Variants in PANX1 observed in about 807,000 individuals in gnomAD.
The protein encoded by PANX1 is pannexin 1, also known as pannexin-1.
In PANX1, 30 loss-of-function variants were observed where a neutral mutation model predicts 38.7. That is an observed-to-expected ratio of 0.78 (90% CI 0.58 to 1.05). PANX1 has a LOEUF of 1.05. Ranked by LOEUF, PANX1 falls within the 50% of genes least tolerant of loss-of-function variation. PANX1 has a pLI of 0.00. For synonymous variants in PANX1, 230 were observed against 212.2 expected (o/e 1.08, Z -0.73); for missense variants, 551 against 517.2 (o/e 1.07, Z -0.63).
intron 1 of PANX1, among the ~76,000 whole-genome samples, chr11:94,136,986 GGCAGGA>G (rs369778192): frequency 1.1e-3 from 173 of 152,056 alleles, no homozygotes; most frequent in African/African-American, 3.3e-3. Flanking sequence ...CGTCTTATAT[GGCAGGA>G]GCAGGAGCAA....
At chr11:94,146,904 T>C (rs978634095) in intron 1 of PANX1, among the ~76,000 whole-genome samples, 3 of 152,200 alleles carry the variant, frequency 2.0e-5, no homozygotes, top group African/African-American at 7.2e-5. Context: ...TTAAGAACTT[T>C]AGTAATTGCA....
intron 1 of PANX1, among the ~76,000 whole-genome samples, chr11:94,146,662 A>G (rs1469066003): frequency 6.6e-6 from 1 of 152,236 alleles, no homozygotes; most frequent in African/African-American, 2.4e-5. Context: ...TGGAGAAACA[A>G]TCAGACAGAC....
chr11:94,154,088 AC>A (rs1461176213), intron 2 of PANX1, among the ~76,000 whole-genome samples: 1 of 152,204 alleles, frequency 6.6e-6, no homozygotes, highest in Non-Finnish European at 1.5e-5. Flanking sequence ...TCTAGCTGAT[AC>A]GTTACTGGAA....
intron 1 of PANX1, among the ~76,000 whole-genome samples, chr11:94,137,014 G>C (rs1008361476): frequency 6.6e-6 from 1 of 151,882 alleles, no homozygotes; most frequent in Non-Finnish European, 1.5e-5. Flanking sequence ...AGAGAATGGG[G>C]GGAGGTGCTA....
intron 1 of PANX1, among the ~76,000 whole-genome samples, chr11:94,130,793 GT>G (rs984552557): frequency 3.3e-5 from 5 of 152,210 alleles, no homozygotes; most frequent in Admixed American, 6.5e-5. Context: ...GTCTGGGTGA[GT>G]GGAGTGTGGT....
At chr11:94,167,282 A>C (rs567483710) in intron 2 of PANX1, among the ~76,000 whole-genome samples, 2 of 152,102 alleles carry the variant, frequency 1.3e-5, no homozygotes, top group African/African-American at 4.8e-5. Flanking sequence ...ACTCTCTTCA[A>C]TGCCACTTTC....
chr11:94,153,441 A>G (rs1244237319), intron 1 of PANX1, 50 bp from the exon 2 acceptor site: 2 of 1,596,028 alleles, frequency 1.3e-6, no homozygotes, highest in South Asian at 1.1e-5. Flanking sequence ...TGGGGACAAG[A>G]GTCCAGGTAA....
intron 2 of PANX1, among the ~76,000 whole-genome samples, chr11:94,164,130 T>C (rs914283314): frequency 1.3e-5 from 2 of 151,986 alleles, no homozygotes; most frequent in African/African-American, 4.8e-5. Context: ...TTTTTTAGTC[T>C]GGCTAAAGGT....
rs1468672551 is a variant in PANX1, at chr11:94,180,161, A to G, written c.1105A>G (p.Asn369Asp). 1.2e-6 allele frequency: 2 copies of G among 1,614,026 alleles called. No homozygotes were observed. The highest frequency in any genetic ancestry group is 1.7e-6 in the Non-Finnish European group (2 of 1,179,954). Residue 369 changes from asparagine to aspartate, a missense_variant, in exon 4 of 5, where the codon AAC (asparagine) becomes GAC (aspartate). Coordinates refer to ENST00000227638, the MANE Select transcript of PANX1 (RefSeq NM_015368.4). ...GATCGACCCAATGCTACTCCTGACA[A>G]ACCTTGGCATGATCAAGATGGATGT... ...QGIDPMLLLT[N>D]LGMIKMDVVD...
chr11:94,146,663 TCAGA>T (rs936760926), intron 1 of PANX1, among the ~76,000 whole-genome samples: 13 of 152,168 alleles, frequency 8.5e-5, no homozygotes, highest in African/African-American at 2.4e-4. Context: ...GGAGAAACAA[TCAGA>T]CAGACCCAAA....
intron 2 of PANX1, among the ~76,000 whole-genome samples, chr11:94,161,771 C>G (rs953591994): frequency 6.6e-6 from 1 of 152,214 alleles, no homozygotes; most frequent in Non-Finnish European, 1.5e-5. Context: ...TGAGGAGCTG[C>G]ATTCCTTTGG....
At chr11:94,149,387 A>G (rs1405136875) in intron 1 of PANX1, among the ~76,000 whole-genome samples, 3 of 152,184 alleles carry the variant, frequency 2.0e-5, no homozygotes, top group South Asian at 2.1e-4. Context: ...CCAGCACCCT[A>G]TGCTCCAGGT....
At chr11:94,175,726 G>A in intron 2 of PANX1, 1 of 984,132 alleles carries the variant, frequency 1.0e-6, no homozygotes, top group Non-Finnish European at 1.2e-6. Context: ...AGAATTAAAT[G>A]AACATTCCTT....
Position 94,178,529 on chromosome 11 carries a change from G to A in PANX1, c.482G>A (p.Arg161His), listed in dbSNP as rs576747452. ...GCAATTAAGGCTGCAAAGAGTGCGC[G>A]TGACCTTGACATGAGAGATGGAGCC... Reference protein sequence around the residue: ...NRAIKAAKSARDLDMRDGACS... With the variant: ...NRAIKAAKSAHDLDMRDGACS... The change falls in exon 3 of 5, where the codon CGT becomes CAT. Residue 161 changes from arginine (R) to histidine (H), a missense_variant. Arg to His is a conservative substitution (Grantham distance 29). Coordinates refer to ENST00000227638, the MANE Select transcript of PANX1 (RefSeq NM_015368.4). 9 of 1,613,980 alleles carry A rather than the reference G, an allele frequency of 5.6e-6. No individual in the cohort carries two copies. The highest frequency in any genetic ancestry group is 2.2e-5 in the East Asian group (1 of 44,884).
At chr11:94,132,510 A>G (rs1294734491) in intron 1 of PANX1, among the ~76,000 whole-genome samples, 1 of 152,194 alleles carries the variant, frequency 6.6e-6, no homozygotes. Flanking sequence ...GCACCGTCAC[A>G]TGGAGAGGTG....
chr11:94,140,683 G>A (rs984011446), intron 1 of PANX1, among the ~76,000 whole-genome samples: 8 of 152,282 alleles, frequency 5.3e-5, no homozygotes, highest in African/African-American at 7.2e-5. Flanking sequence ...CTCTAGAGCC[G>A]TGGTTCTCAA....
At chr11:94,149,533 TG>T (rs1158916551) in intron 1 of PANX1, among the ~76,000 whole-genome samples, 1 of 152,242 alleles carries the variant, frequency 6.6e-6, no homozygotes, top group Non-Finnish European at 1.5e-5. Context: ...TTATTATATT[TG>T]GCCAGACGTA....
intron 1 of PANX1, among the ~76,000 whole-genome samples, chr11:94,145,740 C>T (rs1946821930): frequency 6.6e-6 from 1 of 152,156 alleles, no homozygotes; most frequent in Admixed American, 6.5e-5. Context: ...ACTACCTTTG[C>T]TTTAAGAATT....
At chr11:94,155,904 G>T (rs1319886346) in intron 2 of PANX1, among the ~76,000 whole-genome samples, 1 of 152,170 alleles carries the variant, frequency 6.6e-6, no homozygotes, top group Non-Finnish European at 1.5e-5. Flanking sequence ...CAAATAATAG[G>T]ACTTGCAGTG....
Sources: gnomAD v4.1 joint callset for allele counts (sites outside exome capture counted in the v4.1 genomes callset) on GRCh38, gnomAD v4.1.1 for gene constraint, MANE v1.5 for transcripts, NCBI Gene and HGNC (gene_info 2026-07-23, HGNC 2026-07-21) for gene names.